The following KIAA1671 variants were observed in gnomAD, a reference collection of about 807,000 sequenced individuals.
The protein encoded by KIAA1671 is uncharacterized protein KIAA1671.
A neutral mutation model predicts 131.2 loss-of-function variants in KIAA1671; 52 were observed. The observed-to-expected ratio is 0.40, with a 90% CI of 0.32 to 0.50. KIAA1671 has a LOEUF of 0.50. Ranked by LOEUF, KIAA1671 falls within the 20% of genes least tolerant of loss-of-function variation. The pLI is 0.73. For synonymous variants in KIAA1671, 1,003 were observed against 961.6 expected, an observed-to-expected ratio of 1.04 and a Z score of -0.80; for missense variants, 2,360 against 2,364.2, an observed-to-expected ratio of 1.00 and a Z score of 0.04.
intron 6 of KIAA1671, among the ~76,000 whole-genome samples, chr22:25,072,767 T>C (rs1928899401): frequency 6.6e-6 from 1 of 152,196 alleles, no homozygotes; most frequent in Non-Finnish European, 1.5e-5. Flanking sequence ...TTGAATTCTC[T>C]AGCTCATTTC....
chr22:25,046,813 A>G (rs1156713192), intron 5 of KIAA1671, among the ~76,000 whole-genome samples: 3 of 152,152 alleles, frequency 2.0e-5, no homozygotes, highest in African/African-American at 4.8e-5. Flanking sequence ...AAAGATATCA[A>G]TGACTGGGCC....
chr22:24,967,201 G>T (rs1168018126), intron 1 of KIAA1671, among the ~76,000 whole-genome samples: 3 of 152,180 alleles, frequency 2.0e-5, no homozygotes, highest in Non-Finnish European at 4.4e-5. Flanking sequence ...TGCTGACAGG[G>T]CCTACTGTGT....
intron 6 of KIAA1671, among the ~76,000 whole-genome samples, chr22:25,121,461 C>CA (rs374457851): frequency 0.058 from 3,522 of 60,914 alleles, 78 homozygotes; most frequent in African/African-American, 0.13. Flanking sequence ...GACTCCATCT[C>CA]AAAAAAAAAA....
At chr22:25,152,683 A>C (rs1933089245) in intron 6 of KIAA1671, among the ~76,000 whole-genome samples, 1 of 151,972 alleles carries the variant, frequency 6.6e-6, no homozygotes, top group Non-Finnish European at 1.5e-5. Flanking sequence ...GCTAACTGCA[A>C]CCTCTACCTC....
rs550576493 is a variant in KIAA1671 at position 25,190,477 on chromosome 22, G to A, written c.5343-225G>A. On this transcript the variant is annotated intron_variant, in intron 11 of 12. Transcript: ENST00000358431. ...ACCAGTATCGGTCTGTGGCCCAGGG[G>A]GTTGGGGACCCCTGATTTATTTAAT... 2.6e-5 allele frequency among the ~76,000 whole-genome samples: 4 copies of A among 152,348 alleles called. No individual in the cohort carries two copies. The East Asian group carries it at 5.8e-4, about 22-fold the overall frequency.
At chr22:24,968,341 C>G (rs1922412710) in intron 1 of KIAA1671, among the ~76,000 whole-genome samples, 1 of 152,132 alleles carries the variant, frequency 6.6e-6, no homozygotes, top group South Asian at 2.1e-4. Context: ...CCTGGAGGCT[C>G]TCTGGGTGCC....
rs965742223 is a variant in KIAA1671 at position 25,041,407 on chromosome 22, A to G, written c.4277A>G (p.His1426Arg). Residue 1426 changes from histidine to arginine, a missense_variant, in exon 5 of 13, where the codon CAT (histidine) becomes CGT (arginine). His to Arg is a conservative substitution (Grantham distance 29). Transcript: ENST00000358431. Reference sequence around the variant, plus strand: ...ATCCGAGAGGGCCTGTCCATCATGCATGAAGCCAGAGAGAGGAGGCGAGAG... The same window carrying G: ...ATCCGAGAGGGCCTGTCCATCATGCGTGAAGCCAGAGAGAGGAGGCGAGAG... Reference protein sequence around the residue: ...ANIREGLSIMHEARERRREQP... With the variant: ...ANIREGLSIMREARERRREQP... 3.2e-6 allele frequency: 5 copies of G among 1,551,718 alleles called. No individual in the cohort carries two copies. The highest frequency in any genetic ancestry group is 2.7e-5 in the African/African-American group (2 of 73,064).
intron 1 of KIAA1671, among the ~76,000 whole-genome samples, chr22:25,020,461 CT>C (rs1223769729): frequency 2.4e-4 from 36 of 152,296 alleles, no homozygotes; most frequent in Admixed American, 2.2e-3. Context: ...TTATTTTCTT[CT>C]CTTCAGGTGT....
chr22:25,155,853 G>A (rs912246715), intron 6 of KIAA1671, among the ~76,000 whole-genome samples: 1 of 151,100 alleles, frequency 6.6e-6, no homozygotes, highest in Non-Finnish European at 1.5e-5. Flanking sequence ...GCCTGTATAT[G>A]TGTGTATTTG....
intron 4 of KIAA1671, among the ~76,000 whole-genome samples, chr22:25,038,035 A>G (rs1926712036): frequency 6.6e-6 from 1 of 152,104 alleles, no homozygotes; most frequent in Non-Finnish European, 1.5e-5. Context: ...GGGTTTCACC[A>G]TGTTGACCAG....
In KIAA1671 at chr22:25,001,251, GTA is replaced by G. The variant is rs758251989; in HGVS notation, c.-207-24380_-207-24379del. Among the ~76,000 whole-genome samples, 551 of 101,938 alleles carry G rather than the reference GTA, an allele frequency of 5.4e-3. 3 individuals carry two copies. Among genetic ancestry groups the G allele is most frequent in the African/African-American group, 0.014 (502 of 34,702 alleles). 66.9% of individuals were successfully genotyped at this position (101,938 alleles called of 152,430 possible). ...TGTGTGTGTATATGTGTGTGTGTGT[GTA>G]TGTGTGTGTATATATATGCATGTGT... On this transcript the variant is annotated intron_variant, in intron 1 of 12. Transcript: ENST00000358431.
In KIAA1671 at chr22:25,151,429, C is replaced by CTT. The variant is rs67444002; in HGVS notation, c.4531-19372_4531-19371dup. ...CAGTTATACAACATCAACATGAACT[C>CTT]TTTTTTTTTTTTTTTTTTTTGAGAC... On this transcript the variant is annotated intron_variant, in intron 6 of 12. Coordinates refer to ENST00000358431, the MANE Select transcript of KIAA1671 (RefSeq NM_001145206.2). Among the ~76,000 whole-genome samples, 225 of 104,736 alleles carry CTT rather than the reference C, an allele frequency of 2.1e-3. 5 individuals carry two copies. Among genetic ancestry groups the CTT allele is most frequent in the Non-Finnish European group, 2.9e-3 (159 of 54,394 alleles). 68.7% of individuals were successfully genotyped at this position (104,736 alleles called of 152,430 possible).
intron 6 of KIAA1671, chr22:25,058,616 A>C (rs915763434): frequency 1.3e-5 from 2 of 152,100 alleles, no homozygotes; most frequent in Non-Finnish European, 2.9e-5. Flanking sequence ...TTTATATAAA[A>C]ACGAGTTAGC....
intron 8 of KIAA1671, chr22:25,176,981 CATTA>C (rs1287363674): frequency 5.4e-6 from 1 of 186,006 alleles, no homozygotes; most frequent in African/African-American, 2.3e-5. Flanking sequence ...AACAAACAAA[CATTA>C]ATTGAGCTCC....
chr22:25,036,797 G>T (rs1926623625), intron 4 of KIAA1671, among the ~76,000 whole-genome samples: 1 of 152,094 alleles, frequency 6.6e-6, no homozygotes, highest in East Asian at 1.9e-4. Context: ...GGTGGTGCAT[G>T]CCTGTAATCC....
chr22:25,169,418 CAAAA>C (rs34299474), intron 6 of KIAA1671, among the ~76,000 whole-genome samples: 5,267 of 117,992 alleles, frequency 0.045, 148 homozygotes, highest in African/African-American at 0.094. Context: ...GACCTTGTCT[CAAAA>C]AAAAAAAAAA....
chr22:25,101,809 C>T (rs922338895), intron 6 of KIAA1671, among the ~76,000 whole-genome samples: 1 of 152,148 alleles, frequency 6.6e-6, no homozygotes, highest in Non-Finnish European at 1.5e-5. Context: ...TGTTGAGTGT[C>T]AAGGGTGGAC....
At chr22:25,123,257 C>T (rs1574829) in intron 6 of KIAA1671, among the ~76,000 whole-genome samples, 42,626 of 142,362 alleles carry the variant, frequency 0.3, 6,315 homozygotes, top group South Asian at 0.37. Flanking sequence ...AGTGCAATGA[C>T]GCAATCTCGG....
chr22:25,084,554 A>C (rs928149378), intron 6 of KIAA1671, among the ~76,000 whole-genome samples: 2 of 151,956 alleles, frequency 1.3e-5, no homozygotes, highest in Admixed American at 6.5e-5. Context: ...CAGGGCAGGG[A>C]CCTGTTGAAG....
Sources: allele counts gnomAD v4.1 joint callset (sites outside exome capture counted in the v4.1 genomes callset), GRCh38; gene constraint gnomAD v4.1.1; transcripts MANE v1.5; gene names NCBI Gene and HGNC (gene_info 2026-07-23, HGNC 2026-07-21).